Variants in HLCS observed in about 807,000 individuals in gnomAD.
HLCS encodes holocarboxylase synthetase.
Under a neutral mutation model 75.0 loss-of-function variants are expected in HLCS, and 53 were observed. That is an observed-to-expected ratio of 0.71 (90% CI 0.57 to 0.89). HLCS has a LOEUF of 0.89. Among genes scored for constraint, HLCS ranks in the 40% least tolerant of loss-of-function variants. The probability of loss-of-function intolerance (pLI) is 0.00; values close to 1 mark genes in which losing one functional copy is unlikely to be tolerated. For missense variants in HLCS, 966 were observed against 1,074.0 expected (o/e 0.90, Z 1.41); for synonymous variants, 431 against 428.6 (o/e 1.01, Z -0.07).
chr21:36,978,761 G>A (rs943723963), intron 1 of HLCS, among the ~76,000 whole-genome samples: 20 of 152,262 alleles, frequency 1.3e-4, no homozygotes, highest in African/African-American at 4.6e-4. Flanking sequence ...ACGTGTCACC[G>A]AGCAAAGCAC....
chr21:36,793,858 A>G (rs2060570836), intron 6 of HLCS, among the ~76,000 whole-genome samples: 1 of 152,198 alleles, frequency 6.6e-6, no homozygotes, highest in Non-Finnish European at 1.5e-5. Flanking sequence ...GAGACCTCAG[A>G]CAAGTTACTT....
intron 6 of HLCS, among the ~76,000 whole-genome samples, chr21:36,822,671 T>TG: frequency 6.6e-6 from 1 of 152,322 alleles, no homozygotes. Flanking sequence ...CAGGGATGTA[T>TG]GGAGACAGAC....
intron 5 of HLCS, among the ~76,000 whole-genome samples, chr21:36,916,545 TATC>T (rs2065941737): frequency 3.6e-4 from 48 of 135,008 alleles, no homozygotes; most frequent in East Asian, 4.5e-4. Context: ...TTTTTTTTTT[TATC>T]TTTTGTAGAG....
chr21:36,812,324 A>C (rs913195391), intron 6 of HLCS, among the ~76,000 whole-genome samples: 1 of 152,152 alleles, frequency 6.6e-6, no homozygotes, highest in South Asian at 2.1e-4. Context: ...CTATGGAATT[A>C]TCTGTAATTT....
At chr21:36,977,597 A>C (rs2068974788) in intron 1 of HLCS, among the ~76,000 whole-genome samples, 1 of 152,264 alleles carries the variant, frequency 6.6e-6, no homozygotes, top group Non-Finnish European at 1.5e-5. Flanking sequence ...TTAGCCAGTC[A>C]TCCTGCCCAG....
rs530326784 is a variant in HLCS, at chr21:36,753,096, T to C, written c.*1150A>G. 4 of 152,830 alleles carry C rather than the reference T, an allele frequency of 2.6e-5. No homozygotes were observed. The South Asian group carries it at 8.3e-4, about 32-fold the overall frequency. The allele number at this position is 152,830 out of a possible 1,614,324, so 9.5% of individuals were successfully genotyped here. On this transcript the variant is annotated 3_prime_UTR_variant, in exon 11 of 11. Transcript: ENST00000674895. This position sits in a 1 kb window ranked among gnomAD's most constrained non-coding sequence, Gnocchi z 4.3. ...AAAAGGCTTCATTTCTTTTGTTCTTTCATGAGGCTTGTAGCACATCAAATT... is the reference window on the plus strand; with the variant it reads ...AAAAGGCTTCATTTCTTTTGTTCTTCCATGAGGCTTGTAGCACATCAAATT...
intron 6 of HLCS, among the ~76,000 whole-genome samples, chr21:36,866,275 T>A (rs1017024566): frequency 6.6e-6 from 1 of 152,136 alleles, no homozygotes; most frequent in Non-Finnish European, 1.5e-5. Context: ...CTTGGAGGAA[T>A]TCATTATTTT....
chr21:36,825,488 C>T (rs571015073), intron 6 of HLCS, among the ~76,000 whole-genome samples: 20 of 152,078 alleles, frequency 1.3e-4, no homozygotes, highest in African/African-American at 4.3e-4. Context: ...TGTGTGTACA[C>T]GTAAATATAC....
Position 36,752,293 on chromosome 21 carries a change from T to C in HLCS, c.*1953A>G, listed in dbSNP as rs767162730. On this transcript the variant is annotated 3_prime_UTR_variant, in exon 11 of 11. Coordinates refer to ENST00000674895, the MANE Select transcript of HLCS (RefSeq NM_001352514.2). The stretch of plus-strand genomic sequence containing the variant: ...AAGGCCACACTTCATTAGTTTTAAT[T>C]TGCAGAAAGGAAATTAAATGATAAC... The C allele has an allele frequency of 4.6e-5, 7 of 152,636 alleles. No homozygotes were observed. Among genetic ancestry groups the C allele is most frequent in the Admixed American group, 4.6e-4 (7 of 15,276 alleles). The allele number at this position is 152,636 out of a possible 1,614,324, so 9.5% of individuals were successfully genotyped here.
intron 6 of HLCS, among the ~76,000 whole-genome samples, chr21:36,770,016 G>A (rs1188687401): frequency 6.6e-6 from 1 of 151,844 alleles, no homozygotes; most frequent in East Asian, 1.9e-4. Context: ...AATAAATTCT[G>A]ATAAATTAAG....
At chr21:36,975,697 CG>C (rs1398968030) in intron 1 of HLCS, among the ~76,000 whole-genome samples, 3 of 152,052 alleles carry the variant, frequency 2.0e-5, no homozygotes, top group Non-Finnish European at 4.4e-5. Flanking sequence ...TGCTGGAGCC[CG>C]GGAGTTCCAG....
intron 5 of HLCS, 151 bp downstream of exon 5, chr21:36,930,099 AT>A: frequency 1.4e-6 from 1 of 739,026 alleles, no homozygotes; most frequent in East Asian, 2.7e-5. Context: ...CAAAATGAAT[AT>A]TTGCACATCT....
chr21:36,926,889 T>C (rs1421421535), intron 5 of HLCS, among the ~76,000 whole-genome samples: 1 of 152,024 alleles, frequency 6.6e-6, no homozygotes, highest in African/African-American at 2.4e-5. Flanking sequence ...ACTACAGGTA[T>C]GCGCCACCAT....
At chr21:36,905,452 G>A (rs1488234352) in intron 5 of HLCS, among the ~76,000 whole-genome samples, 1 of 152,138 alleles carries the variant, frequency 6.6e-6, no homozygotes, top group Admixed American at 6.5e-5. Flanking sequence ...CTTCAAGGGG[G>A]TTTATAAAAT....
chr21:36,803,686 G>GA (rs199558113), intron 6 of HLCS, among the ~76,000 whole-genome samples: 36 of 128,502 alleles, frequency 2.8e-4, no homozygotes, highest in South Asian at 1.5e-3. Flanking sequence ...TAGAAAGAAA[G>GA]AAAAAAAAAC....
chr21:36,988,795 C>T (rs1482450794), intron 1 of HLCS, among the ~76,000 whole-genome samples: 1 of 152,060 alleles, frequency 6.6e-6, no homozygotes, highest in Non-Finnish European at 1.5e-5. Context: ...ATGGGAGAAA[C>T]GGAACATCTT....
chr21:36,806,596 G>A (rs1351603561), intron 6 of HLCS, among the ~76,000 whole-genome samples: 1 of 152,168 alleles, frequency 6.6e-6, no homozygotes, highest in East Asian at 1.9e-4. Flanking sequence ...AAGGCATTTG[G>A]TGCCTTGATG....
At chr21:36,934,156 A>G (rs2066773007) in intron 4 of HLCS, among the ~76,000 whole-genome samples, 1 of 152,180 alleles carries the variant, frequency 6.6e-6, no homozygotes, top group African/African-American at 2.4e-5. Context: ...CTCTGAGTGT[A>G]ACCCTGTTAC....
intron 6 of HLCS, among the ~76,000 whole-genome samples, chr21:36,884,117 C>T (rs4817826): frequency 0.91 from 137,918 of 152,222 alleles, 62,712 homozygotes; most frequent in African/African-American, 0.98. Context: ...AACTAACTTA[C>T]CTAGATCAGT....
Sources: allele counts gnomAD v4.1 joint callset (sites outside exome capture counted in the v4.1 genomes callset), GRCh38; gene constraint gnomAD v4.1.1; non-coding constraint Gnocchi (gnomAD v3.1); transcripts MANE v1.5; gene names NCBI Gene and HGNC (gene_info 2026-07-23, HGNC 2026-07-21).